The following GPRIN1 variants were observed in gnomAD, a reference collection of about 807,000 sequenced individuals.
The protein encoded by GPRIN1 is G protein regulated inducer of neurite outgrowth 1, also known as G protein-regulated inducer of neurite outgrowth 1.
In GPRIN1, 4 loss-of-function variants were observed where a neutral mutation model predicts 2.8. The ratio of observed to expected loss-of-function variants is 1.45; its 90% CI spans 0.71 to 3.32. The LOEUF is 3.32. Among genes scored for constraint, GPRIN1 ranks in the 30% most tolerant of loss-of-function variants. The probability of loss-of-function intolerance (pLI) is 0.01; values close to 1 mark genes in which losing one functional copy is unlikely to be tolerated. For synonymous variants in GPRIN1, 589 were observed against 589.9 expected (o/e 1.00, Z 0.02); for missense variants, 1,322 against 1,343.4 (o/e 0.98, Z 0.25).
At chr5:176,604,390 T>A (rs141641705) in intron 1 of GPRIN1, among the ~76,000 whole-genome samples, 144 of 152,182 alleles carry the variant, frequency 9.5e-4, no homozygotes, top group Non-Finnish European at 1.7e-3. Context: ...CCTGGAAGTA[T>A]TTTCTTTTTA....
Position 176,597,612 on chromosome 5 carries a change from G to A in GPRIN1, c.2223C>T (p.Ala741=), listed in dbSNP as rs745700203. ...ALGSARSPEG[A]RGSEGRVEPK... ...GCTCCACGCGGCCTTCACTGCCCCT[G>A]GCACCCTCGGGAGACCGGGCTGAGC... Residue 741 remains alanine (A), a synonymous_variant, in exon 2 of 2, where the codon GCC becomes GCT. Coordinates refer to ENST00000303991, the MANE Select transcript of GPRIN1 (RefSeq NM_052899.3). This position sits in a 1 kb window ranked among gnomAD's most constrained non-coding sequence, Gnocchi z 6.1. The A allele has an allele frequency of 6.3e-7, 1 of 1,599,912 alleles. No homozygotes were observed. Among genetic ancestry groups the A allele is most frequent in the Non-Finnish European group, 8.5e-7 (1 of 1,178,678 alleles).
At position 176,597,675 on chromosome 5, in the gene GPRIN1, C is replaced by T. The variant is rs1430216620; in HGVS notation, c.2160G>A (p.Pro720=). The part of the protein sequence containing the change: ...VVPLSLEKTK[P]SSSSRQLDRK... The stretch of plus-strand genomic sequence containing the variant: ...GGTCTAACTGCCTGGAGGAGGAGGA[C>T]GGCTTGGTCTTCTCCAGACTCAGGG... The change falls in exon 2 of 2, where the codon CCG becomes CCA. Residue 720 remains proline (P), a synonymous_variant. Coordinates refer to ENST00000303991, the MANE Select transcript of GPRIN1 (RefSeq NM_052899.3). The surrounding 1 kb of genome is among the most constrained non-coding windows in gnomAD (Gnocchi z 6.1). The T allele has an allele frequency of 1.3e-6, 2 of 1,593,320 alleles. No individual in the cohort carries two copies. The highest frequency in any genetic ancestry group is 8.5e-7 in the Non-Finnish European group (1 of 1,170,814).
At chr5:176,609,139 A>G (rs1028441193) in intron 1 of GPRIN1, among the ~76,000 whole-genome samples, 2 of 152,184 alleles carry the variant, frequency 1.3e-5, no homozygotes, top group African/African-American at 4.8e-5. Flanking sequence ...GCAGCACGCT[A>G]AGAGACAGAG....
Position 176,597,579 on chromosome 5 carries a change from G to A in GPRIN1, c.2256C>T (p.Ala752=), listed in dbSNP as rs1027937564. 3.1e-6 allele frequency: 5 copies of A among 1,593,398 alleles called. No homozygotes were observed. Among genetic ancestry groups the A allele is most frequent in the South Asian group, 1.1e-5 (1 of 90,460 alleles). The change falls in exon 2 of 2, where the codon GCC becomes GCT. Residue 752 remains alanine (A), a synonymous_variant. Coordinates refer to ENST00000303991, the MANE Select transcript of GPRIN1 (RefSeq NM_052899.3). This position sits in a 1 kb window ranked among gnomAD's most constrained non-coding sequence, Gnocchi z 6.1. ...RGSEGRVEPK[A]EPVSSTEASS... is the part of the protein sequence containing the mutation. ...AGGCCTCGGTGCTGGACACGGGCTC[G>A]GCCTTCGGCTCCACGCGGCCTTCAC...
At chr5:176,608,830 T>A (rs1759265013) in intron 1 of GPRIN1, among the ~76,000 whole-genome samples, 1 of 152,182 alleles carries the variant, frequency 6.6e-6, no homozygotes, top group Non-Finnish European at 1.5e-5. Context: ...GGGCCAGAAC[T>A]GCCAAGCACC....
At chr5:176,607,137 T>C (rs933295406) in intron 1 of GPRIN1, among the ~76,000 whole-genome samples, 7 of 152,192 alleles carry the variant, frequency 4.6e-5, no homozygotes, top group East Asian at 1.9e-4. Context: ...CTGGAAGAGA[T>C]AGGCCAGCCC....
In GPRIN1 at chr5:176,598,600, G is replaced by C; in HGVS notation, c.1235C>G (p.Ser412Cys). 3.7e-6 allele frequency: 6 copies of C among 1,614,160 alleles called. No individual in the cohort carries two copies. The highest frequency in any genetic ancestry group is 5.1e-6 in the Non-Finnish European group (6 of 1,180,042). Residue 412 changes from serine to cysteine, a missense_variant, in exon 2 of 2, where the codon TCT becomes TGT. This residue lies in a region of GPRIN1 where 1,117 missense variants were observed against 1,128.6 expected (regional missense o/e 0.99). Transcript: ENST00000303991. ...LTSLKNVDPM[S>C]SGKVDPVSLG... ...AGAAACTGGATCCACCTTGCCTGAA[G>C]ACATGGGATCCACATTTTTCAAAGA...
chr5:176,596,504 G>T lies in GPRIN1; in HGVS notation c.*304C>A. 5.3e-6 allele frequency: 1 copy of T among 188,000 alleles called. No individual in the cohort carries two copies. Among genetic ancestry groups the T allele is most frequent in the Non-Finnish European group, 1.1e-5 (1 of 91,718 alleles). The allele number at this position is 188,000 out of a possible 1,614,324, so 11.6% of individuals were successfully genotyped here. A position where few individuals can be genotyped will look rare whatever the true frequency, so the allele number is the denominator to read the frequency against. ...CCCCAGCTCTCAGGGGGTGGGAGGT[G>T]AGGGTGCTGAGCAGGCCCCCGTGGT... is the stretch of plus-strand genomic sequence containing the variant. On this transcript the variant is annotated 3_prime_UTR_variant, in exon 2 of 2. Transcript: ENST00000303991. The surrounding 1 kb of genome is among the most constrained non-coding windows in gnomAD (Gnocchi z 5.2).
rs530959509 is a variant in GPRIN1, at chr5:176,597,527, C to A, written c.2308G>T (p.Ala770Ser). 8 of 1,510,712 alleles carry A rather than the reference C, an allele frequency of 5.3e-6. No individual in the cohort carries two copies. The African/African-American group carries it at 6.9e-5, about 13-fold the overall frequency. 93.6% of individuals were successfully genotyped at this position (1,510,712 alleles called of 1,614,324 possible). A position where few individuals can be genotyped will look rare whatever the true frequency, so the allele number is the denominator to read the frequency against. Residue 770 changes from alanine to serine, a missense_variant, in exon 2 of 2, where the codon GCC becomes TCC. Transcript: ENST00000303991. The surrounding 1 kb of genome is among the most constrained non-coding windows in gnomAD (Gnocchi z 6.1). Reference protein sequence around the residue: ...ASSLGQKDLEAAGAERSPCPE... With the variant: ...ASSLGQKDLESAGAERSPCPE... The stretch of plus-strand genomic sequence containing the variant: ...CAGGGGCTTCTCTCGGCCCCAGCGG[C>A]TTCCAGGTCTTTCTGGCCGAGACTG...
At chr5:176,600,206 A>G (rs1406469726) in intron 1 of GPRIN1, among the ~76,000 whole-genome samples, 2 of 152,128 alleles carry the variant, frequency 1.3e-5, no homozygotes, top group African/African-American at 2.4e-5. Flanking sequence ...CCGCAACCGC[A>G]ACCTCCGCCT....
Position 176,596,779 on chromosome 5 carries a change from GA to G in GPRIN1, c.*28del. 7.1e-7 allele frequency: 1 copy of G among 1,405,982 alleles called. No individual in the cohort carries two copies. The highest frequency in any genetic ancestry group is 9.3e-7 in the Non-Finnish European group (1 of 1,080,202). 87.1% of individuals were successfully genotyped at this position (1,405,982 alleles called of 1,614,324 possible). The stretch of plus-strand genomic sequence containing the variant: ...TCAAGAAGGGAGCCTGAGAAGGTCG[GA>G]AACTCGGGCGTACAAAATGGGGGCA... On this transcript the variant is annotated 3_prime_UTR_variant, in exon 2 of 2. Transcript: ENST00000303991. The surrounding 1 kb of genome is among the most constrained non-coding windows in gnomAD (Gnocchi z 5.2).
chr5:176,609,501 C>A (rs966488411), intron 1 of GPRIN1, among the ~76,000 whole-genome samples: 2 of 152,158 alleles, frequency 1.3e-5, no homozygotes, highest in Admixed American at 1.3e-4. Context: ...GTTGTGTGAT[C>A]GCGCCCCGGA....
In GPRIN1 at chr5:176,598,913, C is replaced by G; in HGVS notation, c.922G>C (p.Ala308Pro). 6.2e-7 allele frequency: 1 copy of G among 1,614,104 alleles called. No homozygotes were observed. Among genetic ancestry groups the G allele is most frequent in the Admixed American group, 1.7e-5 (1 of 60,036 alleles). ...CCCGGCTCTGTCTTTCCTGTGGACG[C>G]AGAATCCATGCTTTCCAAGGGCATG... ...DPMPLESMDS[A>P]STGKTEPGLL... Residue 308 changes from alanine to proline, a missense_variant, in exon 2 of 2, where the codon GCG becomes CCG. Ala to Pro is a conservative substitution (Grantham distance 27). Transcript: ENST00000303991.
rs1759099930 is a variant in GPRIN1 at position 176,598,959 on chromosome 5, C to T, written c.876G>A (p.Gly292=). 2 of 1,614,050 alleles carry T rather than the reference C, an allele frequency of 1.2e-6. No individual in the cohort carries two copies. Among genetic ancestry groups the T allele is most frequent in the Non-Finnish European group, 8.5e-7 (1 of 1,180,004 alleles). The change falls in exon 2 of 2, where the codon GGG becomes GGA. Residue 292 remains glycine (G), a synonymous_variant. Coordinates refer to ENST00000303991, the MANE Select transcript of GPRIN1 (RefSeq NM_052899.3). The part of the protein sequence containing the change: ...DLVLSGKRDP[G]PSGKADPMPL... ...GCATGGGATCTGCCTTTCCCGAGGGCCCAGGATCTCTCTTTCCCGACAATA... is the reference window on the plus strand; with the variant it reads ...GCATGGGATCTGCCTTTCCCGAGGGTCCAGGATCTCTCTTTCCCGACAATA...
chr5:176,609,651 G>A (rs940103707), intron 1 of GPRIN1, among the ~76,000 whole-genome samples: 1 of 152,014 alleles, frequency 6.6e-6, no homozygotes, highest in Non-Finnish European at 1.5e-5. Context: ...ACCCCCTCCC[G>A]CGCGGCCATG....
chr5:176,597,297 C>T lies in GPRIN1; in HGVS notation c.2538G>A (p.Pro846=). 1.6e-6 allele frequency: 2 copies of T among 1,233,774 alleles called. No homozygotes were observed. The highest frequency in any genetic ancestry group is 2.0e-6 in the Non-Finnish European group (2 of 990,442). 76.4% of individuals were successfully genotyped at this position (1,233,774 alleles called of 1,614,324 possible). ...GGSAFSFQAA[P]RAPSPPSRRD... ...GGCGCGAGGGCGGGCTGGGCGCGCG[C>T]GGCGCCGCCTGGAAGCTGAAGGCCG... is the stretch of plus-strand genomic sequence containing the variant. The change falls in exon 2 of 2, where the codon CCG becomes CCA. Residue 846 remains proline (P), a synonymous_variant. Coordinates refer to ENST00000303991, the MANE Select transcript of GPRIN1 (RefSeq NM_052899.3). The surrounding 1 kb of genome is among the most constrained non-coding windows in gnomAD (Gnocchi z 6.1).
At chr5:176,601,845 A>AC (rs753042509) in intron 1 of GPRIN1, among the ~76,000 whole-genome samples, 2 of 151,000 alleles carry the variant, frequency 1.3e-5, no homozygotes, top group East Asian at 2.0e-4. Context: ...TGCCATCTGG[A>AC]CCCCCCACCA....
At chr5:176,608,339 A>G (rs891057612) in intron 1 of GPRIN1, among the ~76,000 whole-genome samples, 5 of 152,070 alleles carry the variant, frequency 3.3e-5, no homozygotes, top group African/African-American at 1.2e-4. Flanking sequence ...CCCTGCATAC[A>G]TTCCCCCACC....
At chr5:176,601,355 T>C (rs1344526643) in intron 1 of GPRIN1, among the ~76,000 whole-genome samples, 2 of 152,212 alleles carry the variant, frequency 1.3e-5, no homozygotes, top group East Asian at 3.8e-4. Context: ...GCCCCTTCTC[T>C]GCAACAGGCC....
Sources: gnomAD v4.1 joint callset for allele counts (sites outside exome capture counted in the v4.1 genomes callset) on GRCh38, gnomAD v4.1.1 for gene constraint, gnomAD v4.1.1 regional missense constraint, Gnocchi (gnomAD v3.1) non-coding constraint, MANE v1.5 for transcripts, NCBI Gene and HGNC (gene_info 2026-07-23, HGNC 2026-07-21) for gene names.